PAM: variants seen among roughly 807,000 people sequenced by gnomAD.
PAM encodes peptidylglycine alpha-amidating monooxygenase, also known as peptidyl-glycine alpha-amidating monooxygenase.
Under a neutral mutation model 122.1 loss-of-function variants are expected in PAM, and 72 were observed. The ratio of observed to expected loss-of-function variants is 0.59; its 90% CI spans 0.49 to 0.72. The LOEUF is 0.72. Ranked by LOEUF, PAM falls within the 30% of genes least tolerant of loss-of-function variation. The pLI, the probability that PAM is intolerant of heterozygous loss-of-function variation, is 0.00. For synonymous variants in PAM, 389 were observed against 404.4 expected (o/e 0.96, Z 0.46); for missense variants, 1,106 against 1,183.7 (o/e 0.93, Z 0.96).
intron 14 of PAM, among the ~76,000 whole-genome samples, chr5:102,965,844 T>A (rs1763930845): frequency 6.6e-6 from 1 of 151,998 alleles, no homozygotes; most frequent in African/African-American, 2.4e-5. Context: ...AAAAATGAAT[T>A]ACCATTGGCA....
chr5:102,907,915 T>C (rs1461099887), intron 4 of PAM, among the ~76,000 whole-genome samples: 1 of 151,898 alleles, frequency 6.6e-6, no homozygotes, highest in Non-Finnish European at 1.5e-5. Context: ...TCTCCCATTT[T>C]GTAGGTTGCC....
At chr5:102,959,806 C>T (rs569278136) in intron 12 of PAM, 69 bp from the exon 13 acceptor site, 1 of 1,030,154 alleles carries the variant, frequency 9.7e-7, no homozygotes, top group Non-Finnish European at 1.5e-6. Flanking sequence ...CTAAGGGCTT[C>T]ATTTTTCTTG....
chr5:102,997,934 T>C (rs1047606266), intron 16 of PAM, among the ~76,000 whole-genome samples: 1 of 152,218 alleles, frequency 6.6e-6, no homozygotes, highest in African/African-American at 2.4e-5. Flanking sequence ...TTATTTATAT[T>C]TACTCCTTAA....
chr5:102,940,067 T>C (rs1406801549), intron 7 of PAM, among the ~76,000 whole-genome samples: 1 of 150,778 alleles, frequency 6.6e-6, no homozygotes, highest in Non-Finnish European at 1.5e-5. Context: ...CACAAAATAG[T>C]TGAGAATTCC....
intron 1 of PAM, among the ~76,000 whole-genome samples, chr5:102,842,473 A>G (rs1459212048): frequency 1.3e-5 from 2 of 152,160 alleles, no homozygotes; most frequent in Admixed American, 6.5e-5. Flanking sequence ...GTCACCATCT[A>G]TGTAAGACGT....
intron 3 of PAM, among the ~76,000 whole-genome samples, chr5:102,898,801 T>C (rs1272165748): frequency 6.6e-6 from 1 of 151,682 alleles, no homozygotes; most frequent in Non-Finnish European, 1.5e-5. Context: ...AAAAATACCT[T>C]TTAACAGCTA....
In PAM at chr5:102,954,505, G is replaced by A. The variant is rs111982379; in HGVS notation, c.905+3685G>A. On this transcript the variant is annotated intron_variant, in intron 12 of 25. Transcript: ENST00000438793. ...GATATATTAATAAATATACTTAATGGTAAAATGTTTTACCCATATATTATA... is the reference window on the plus strand; with the variant it reads ...GATATATTAATAAATATACTTAATGATAAAATGTTTTACCCATATATTATA... Among the ~76,000 whole-genome samples, 231 of 150,852 alleles carry A rather than the reference G, an allele frequency of 1.5e-3. 1 individual carries two copies. The highest frequency in any genetic ancestry group is 5.1e-3 in the African/African-American group (212 of 41,362).
rs1330481140 is a variant in PAM, at chr5:102,988,334, C to CAGCCCTATCCT, written c.1484-1937_1484-1927dup. Among the ~76,000 whole-genome samples the CAGCCCTATCCT allele has an allele frequency of 1.2e-4, 17 of 143,276 alleles. No individual in the cohort carries two copies. The East Asian group carries it at 3.3e-3, about 28-fold the overall frequency. The allele number at this position is 143,276 out of a possible 152,430, so 94.0% of individuals were successfully genotyped here. ...AGTAGACCTTAATCCTACCCTATCC[C>CAGCCCTATCCT]AGCCCTATCCTTGGGAAGGATTCTG... is the stretch of plus-strand genomic sequence containing the variant. On this transcript the variant is annotated intron_variant, in intron 15 of 25. Coordinates refer to ENST00000438793, the MANE Select transcript of PAM (RefSeq NM_001177306.2).
intron 15 of PAM, among the ~76,000 whole-genome samples, chr5:102,983,435 G>C (rs1342253889): frequency 3.7e-5 from 4 of 107,622 alleles, no homozygotes; most frequent in African/African-American, 1.5e-4. Flanking sequence ...GGATGACAGA[G>C]TGAGACTGTC....
intron 5 of PAM, 152 bp downstream of exon 5, chr5:102,914,173 T>C: frequency 1.7e-6 from 1 of 601,506 alleles, no homozygotes. Flanking sequence ...GTGGTTATCA[T>C]GGTTTATCAC....
intron 1 of PAM, among the ~76,000 whole-genome samples, chr5:102,808,694 T>C (rs1192341776): frequency 2.6e-5 from 4 of 152,214 alleles, no homozygotes; most frequent in Non-Finnish European, 5.9e-5. Flanking sequence ...AGAAGAACCA[T>C]GCTGAGAATT....
intron 1 of PAM, among the ~76,000 whole-genome samples, chr5:102,828,945 A>C (rs1251110560): frequency 7.1e-6 from 1 of 139,928 alleles, no homozygotes. Flanking sequence ...TTTGAGACAG[A>C]GTCTTGCTAT....
chr5:102,806,544 A>G (rs140458892), intron 1 of PAM, among the ~76,000 whole-genome samples: 1 of 152,316 alleles, frequency 6.6e-6, no homozygotes, highest in Non-Finnish European at 1.5e-5. Context: ...GAATACATGT[A>G]TTTATTTTAA....
chr5:102,891,904 T>C (rs1794894843), intron 3 of PAM, among the ~76,000 whole-genome samples: 1 of 151,850 alleles, frequency 6.6e-6, no homozygotes, highest in African/African-American at 2.4e-5. Context: ...TGTCAGGACC[T>C]ATTGTTTGCC....
intron 4 of PAM, among the ~76,000 whole-genome samples, chr5:102,906,348 A>G (rs772701486): frequency 6.6e-6 from 1 of 151,698 alleles, no homozygotes; most frequent in African/African-American, 2.4e-5. Flanking sequence ...AAAGATCACT[A>G]TGAGTTGGTC....
intron 22 of PAM, among the ~76,000 whole-genome samples, chr5:103,018,037 TAAAA>T (rs1309584116): frequency 6.6e-6 from 1 of 152,132 alleles, no homozygotes. Context: ...TTTTCATCTC[TAAAA>T]AGCAGACTAA....
At chr5:102,793,701 C>T (rs1478272903) in intron 1 of PAM, among the ~76,000 whole-genome samples, 1 of 152,090 alleles carries the variant, frequency 6.6e-6, no homozygotes, top group African/African-American at 2.4e-5. Context: ...ATTTAAGAAA[C>T]TGAGCCAGGA....
At chr5:102,871,670 G>T (rs922730053) in intron 3 of PAM, among the ~76,000 whole-genome samples, 1 of 146,224 alleles carries the variant, frequency 6.8e-6, no homozygotes, top group Non-Finnish European at 1.5e-5. Flanking sequence ...AACTCTCATC[G>T]GTTTGAAACC....
At chr5:102,882,737 A>G (rs1389632519) in intron 3 of PAM, among the ~76,000 whole-genome samples, 1 of 151,740 alleles carries the variant, frequency 6.6e-6, no homozygotes, top group African/African-American at 2.4e-5. Flanking sequence ...AGTCCCACCT[A>G]TTTATCTTTG....
Sources: allele counts gnomAD v4.1 joint callset (sites outside exome capture counted in the v4.1 genomes callset), GRCh38; gene constraint gnomAD v4.1.1; transcripts MANE v1.5; gene names NCBI Gene and HGNC (gene_info 2026-07-23, HGNC 2026-07-21).